Variants in SCCPDH observed in about 807,000 individuals in gnomAD.
The protein encoded by SCCPDH is saccharopine dehydrogenase (putative).
A neutral mutation model predicts 51.5 loss-of-function variants in SCCPDH; 34 were observed. The ratio of observed to expected loss-of-function variants is 0.66; its 90% CI spans 0.50 to 0.88. The LOEUF (loss-of-function observed/expected upper bound fraction) is 0.88, where lower values mean the gene tolerates loss of function less well. Ranked by LOEUF, SCCPDH falls within the 40% of genes least tolerant of loss-of-function variation. The probability of loss-of-function intolerance (pLI) is 0.00; values close to 1 mark genes in which losing one functional copy is unlikely to be tolerated. For missense variants in SCCPDH, 464 were observed against 527.1 expected, an observed-to-expected ratio of 0.88 and a Z score of 1.17; for synonymous variants, 187 against 191.3, an observed-to-expected ratio of 0.98 and a Z score of 0.19.
At chr1:246,756,391 T>A (rs556075117) in intron 5 of SCCPDH, among the ~76,000 whole-genome samples, 1 of 152,324 alleles carries the variant, frequency 6.6e-6, no homozygotes, top group South Asian at 2.1e-4. Flanking sequence ...TACCTGTAGT[T>A]CTTGACCTGG....
chr1:246,748,506 T>C (rs541697222), intron 5 of SCCPDH, among the ~76,000 whole-genome samples: 1 of 152,312 alleles, frequency 6.6e-6, no homozygotes, highest in East Asian at 1.9e-4. Flanking sequence ...CATTCTGTTT[T>C]CCCAAGCCAT....
chr1:246,726,847 A>G, intron 1 of SCCPDH, 45 bp from the exon 2 acceptor site: 1 of 1,329,788 alleles, frequency 7.5e-7, no homozygotes, highest in South Asian at 1.2e-5. Context: ...GGAAGATATA[A>G]TCCTCTACTG....
intron 2 of SCCPDH, among the ~76,000 whole-genome samples, chr1:246,732,393 A>AT (rs879646248): frequency 0.016 from 2,317 of 145,536 alleles, 39 homozygotes; most frequent in African/African-American, 0.044. Context: ...CTGCTTCCAG[A>AT]TTTTTTTTTT....
At chr1:246,738,080 C>T (rs1438662611) in intron 3 of SCCPDH, among the ~76,000 whole-genome samples, 1 of 152,104 alleles carries the variant, frequency 6.6e-6, no homozygotes, top group East Asian at 1.9e-4. Flanking sequence ...TCTGCAATCC[C>T]AGCTACTCAG....
rs552077294 is a variant in SCCPDH, at chr1:246,726,047, C to T, written c.191-845C>T. On this transcript the variant is annotated intron_variant, in intron 1 of 11. Coordinates refer to ENST00000366510, the MANE Select transcript of SCCPDH (RefSeq NM_016002.3). The stretch of plus-strand genomic sequence containing the variant: ...GCCCTGCTAATTTTTTTAGTAGAGA[C>T]GGGGTTTCACCGTGTTAGTGAGGAT... 2.0e-5 allele frequency among the ~76,000 whole-genome samples: 3 copies of T among 150,558 alleles called. 1 individual carries two copies. Among genetic ancestry groups the T allele is most frequent in the Middle Eastern group, 7.1e-3 (2 of 282 alleles).
chr1:246,739,936 TA>T lies in SCCPDH; in HGVS notation c.385-229del, dbSNP rs1290421757. Among the ~76,000 whole-genome samples, 4 of 152,250 alleles carry T rather than the reference TA, an allele frequency of 2.6e-5. No homozygotes were observed. The East Asian group carries it at 7.7e-4, about 29-fold the overall frequency. On this transcript the variant is annotated intron_variant, in intron 3 of 11. Transcript: ENST00000366510. ...TTACTTTTATATTTAAAAGTCATTC[TA>T]AAAAAATTAAGTGTCATACAGTCAG...
At chr1:246,753,035 C>G (rs1213355880) in intron 5 of SCCPDH, among the ~76,000 whole-genome samples, 1 of 151,660 alleles carries the variant, frequency 6.6e-6, no homozygotes, top group Non-Finnish European at 1.5e-5. Context: ...CTCTTTCTCT[C>G]TCTCTCTTTT....
chr1:246,731,259 A>G (rs188965812), intron 2 of SCCPDH, among the ~76,000 whole-genome samples: 72 of 152,360 alleles, frequency 4.7e-4, no homozygotes, highest in African/African-American at 1.6e-3. Flanking sequence ...GTTAGTGAGA[A>G]GTCTCAACTC....
chr1:246,739,014 A>G (rs1668639237), intron 3 of SCCPDH, among the ~76,000 whole-genome samples: 2 of 151,926 alleles, frequency 1.3e-5, no homozygotes, highest in African/African-American at 4.8e-5. Context: ...TGTTAGTGTG[A>G]CTTAATGTGT....
chr1:246,744,091 TG>T lies in SCCPDH; in HGVS notation c.532del (p.Glu178LysfsTer4), dbSNP rs767602130. ...RNKMNGTLTA[V>X]ESFLTIHSGP... The stretch of plus-strand genomic sequence containing the variant: ...ACTCTTTTAGGTACTTTGACTGCTG[TG>T]GAAAGTTTCCTGACTATACATTCAG... On this transcript the variant is annotated frameshift_variant, in exon 5 of 12. Coordinates refer to ENST00000366510, the MANE Select transcript of SCCPDH (RefSeq NM_016002.3). LOFTEE classifies it high-confidence loss of function. 1.9e-6 allele frequency: 3 copies of T among 1,602,512 alleles called. No individual in the cohort carries two copies. Among genetic ancestry groups the T allele is most frequent in the Non-Finnish European group, 2.6e-6 (3 of 1,171,226 alleles).
chr1:246,735,755 C>T (rs1308872439), intron 2 of SCCPDH, among the ~76,000 whole-genome samples: 1 of 152,190 alleles, frequency 6.6e-6, no homozygotes, highest in Non-Finnish European at 1.5e-5. Context: ...TGGTCTTGAA[C>T]TCCTGACCTC....
chr1:246,733,440 A>G (rs1313995541), intron 2 of SCCPDH, among the ~76,000 whole-genome samples: 2 of 150,794 alleles, frequency 1.3e-5, no homozygotes, highest in Non-Finnish European at 2.9e-5. Flanking sequence ...TATAATATAT[A>G]TATATAATAA....
Position 246,735,807 on chromosome 1 carries a change from C to T in SCCPDH, c.304-168C>T, listed in dbSNP as rs562762852. ...TCGGCCTCCCAAAGTTCTGGGATTACAGGTGTGAGCCACTGTGCCTGGCCA... is the reference window on the plus strand; with the variant it reads ...TCGGCCTCCCAAAGTTCTGGGATTATAGGTGTGAGCCACTGTGCCTGGCCA... On this transcript the variant is annotated intron_variant, in intron 2 of 11. Transcript: ENST00000366510. Among the ~76,000 whole-genome samples, 4 of 152,372 alleles carry T rather than the reference C, an allele frequency of 2.6e-5. No individual in the cohort carries two copies. The South Asian group carries it at 8.3e-4, about 32-fold the overall frequency.
At chr1:246,750,473 A>T (rs975605035) in intron 5 of SCCPDH, among the ~76,000 whole-genome samples, 2 of 152,188 alleles carry the variant, frequency 1.3e-5, no homozygotes, top group African/African-American at 4.8e-5. Context: ...AGTCCATGGC[A>T]CCCGAGTCTC....
Position 246,724,565 on chromosome 1 carries a change from C to T in SCCPDH, c.143C>T (p.Ser48Phe), listed in dbSNP as rs1219009620. Residue 48 changes from serine to phenylalanine, a missense_variant, in exon 1 of 12, where the codon TCC (serine) becomes TTC (phenylalanine). Ser to Phe is a radical substitution (Grantham distance 155). Coordinates refer to ENST00000366510, the MANE Select transcript of SCCPDH (RefSeq NM_016002.3). ...CTGCCCTGGGCCGTGGCGGGCCGCT[C>T]CCGGGAGAAGCTGCAGCGGGTGCTG... Reference protein sequence around the residue: ...SRLPWAVAGRSREKLQRVLEK... With the variant: ...SRLPWAVAGRFREKLQRVLEK... 2.0e-6 allele frequency: 3 copies of T among 1,535,674 alleles called. No homozygotes were observed. The highest frequency in any genetic ancestry group is 4.1e-5 in the Admixed American group (2 of 48,824).
rs1202711045 is a variant in SCCPDH, at chr1:246,765,699, C to T, written c.1103-359C>T. Reference sequence around the variant, plus strand: ...CTTCAATGATTGTCAAGAAGCAGTGCAGTGCAGTGGGTGGAGTGTGGACTC... The same window carrying T: ...CTTCAATGATTGTCAAGAAGCAGTGTAGTGCAGTGGGTGGAGTGTGGACTC... On this transcript the variant is annotated intron_variant, in intron 10 of 11. Coordinates refer to ENST00000366510, the MANE Select transcript of SCCPDH (RefSeq NM_016002.3). Among the ~76,000 whole-genome samples the T allele has an allele frequency of 2.6e-5, 4 of 152,242 alleles. No homozygotes were observed. In the South Asian group the frequency reaches 8.3e-4, roughly 32 times the overall value.
chr1:246,748,104 C>G (rs1668789328), intron 5 of SCCPDH, among the ~76,000 whole-genome samples: 1 of 151,958 alleles, frequency 6.6e-6, no homozygotes, highest in Non-Finnish European at 1.5e-5. Context: ...GGCTTTGCTG[C>G]TCGACTTTAT....
At chr1:246,726,398 A>G (rs1181846037) in intron 1 of SCCPDH, among the ~76,000 whole-genome samples, 1 of 149,170 alleles carries the variant, frequency 6.7e-6, no homozygotes, top group Non-Finnish European at 1.5e-5. Context: ...ACCATGTCAG[A>G]TAATTTTTTT....
Position 246,759,194 on chromosome 1 carries a change from G to A in SCCPDH, c.813+43G>A, listed in dbSNP as rs370740175. 4.7e-6 allele frequency: 5 copies of A among 1,060,374 alleles called. No homozygotes were observed. The African/African-American group carries it at 6.3e-5, about 13-fold the overall frequency. 65.7% of individuals were successfully genotyped at this position (1,060,374 alleles called of 1,614,324 possible). A position where few individuals can be genotyped will look rare whatever the true frequency, so the allele number is the denominator to read the frequency against. On this transcript the variant is annotated intron_variant, in intron 7 of 11. Coordinates refer to ENST00000366510, the MANE Select transcript of SCCPDH (RefSeq NM_016002.3). ...ATTTATCAATAAAGTGTGTGTTACA[G>A]TTCCTCTTTCTATTCAGTGTGGGAT...
Sources: gnomAD v4.1 joint callset for allele counts (sites outside exome capture counted in the v4.1 genomes callset) on GRCh38, gnomAD v4.1.1 for gene constraint, MANE v1.5 for transcripts, NCBI Gene and HGNC (gene_info 2026-07-23, HGNC 2026-07-21) for gene names.